Variants in ZBTB20 observed in about 807,000 individuals in gnomAD.
ZBTB20 encodes the protein zinc finger and BTB domain-containing protein 20.
In ZBTB20, 9 loss-of-function variants were observed where a neutral mutation model predicts 56.9. That is an observed-to-expected ratio of 0.16 (90% CI 0.10 to 0.28). The LOEUF (loss-of-function observed/expected upper bound fraction) is 0.28, where lower values mean the gene tolerates loss of function less well. Among genes scored for constraint, ZBTB20 ranks in the 10% least tolerant of loss-of-function variants. The pLI is 1.00. For synonymous variants in ZBTB20, 417 were observed against 420.7 expected, an observed-to-expected ratio of 0.99 and a Z score of 0.11; for missense variants, 655 against 1,003.0, an observed-to-expected ratio of 0.65 and a Z score of 4.69.
At chr3:114,632,228 C>T (rs1315281208) in intron 6 of ZBTB20, among the ~76,000 whole-genome samples, 1 of 152,222 alleles carries the variant, frequency 6.6e-6, no homozygotes, top group Non-Finnish European at 1.5e-5. Context: ...CTCACAATCA[C>T]ACTGTAGGCA....
intron 7 of ZBTB20, among the ~76,000 whole-genome samples, chr3:114,391,192 A>G (rs1237377982): frequency 1.3e-5 from 2 of 152,126 alleles, no homozygotes; most frequent in African/African-American, 2.4e-5. Context: ...TCACACAAAC[A>G]TTACATTAAT....
chr3:114,934,170 T>C (rs1052180841), intron 3 of ZBTB20, among the ~76,000 whole-genome samples: 35 of 152,228 alleles, frequency 2.3e-4, no homozygotes, highest in Admixed American at 1.5e-3. Context: ...CCTACACCTA[T>C]GGATCTTTGC....
chr3:114,862,641 C>T (rs765463625), intron 4 of ZBTB20, among the ~76,000 whole-genome samples: 3 of 152,050 alleles, frequency 2.0e-5, no homozygotes, highest in Non-Finnish European at 2.9e-5. Context: ...GTCTTATTCA[C>T]TATTGTATGC....
chr3:114,833,696 ATTTTTT>A (rs60104867), intron 4 of ZBTB20, among the ~76,000 whole-genome samples: 3 of 125,236 alleles, frequency 2.4e-5, no homozygotes, highest in Non-Finnish European at 5.2e-5. Context: ...CACCTAGCTA[ATTTTTT>A]TTTTTTTTTT....
At chr3:114,575,178 C>A (rs1455282446) in intron 6 of ZBTB20, among the ~76,000 whole-genome samples, 9 of 152,120 alleles carry the variant, frequency 5.9e-5, no homozygotes, top group Non-Finnish European at 1.3e-4. Flanking sequence ...TAATAAAAGT[C>A]ATTTTTACAA....
At chr3:114,449,854 C>T (rs938130329) in intron 7 of ZBTB20, among the ~76,000 whole-genome samples, 3 of 152,142 alleles carry the variant, frequency 2.0e-5, no homozygotes, top group African/African-American at 7.2e-5. Flanking sequence ...GGCAAATTCT[C>T]GTATCCCCAA....
intron 10 of ZBTB20, chr3:114,378,974 G>A (rs986300088): frequency 2.0e-5 from 3 of 152,110 alleles, no homozygotes; most frequent in African/African-American, 7.2e-5. Context: ...TTCTAGTGAC[G>A]GCTAGAATAT....
intron 5 of ZBTB20, among the ~76,000 whole-genome samples, chr3:114,779,804 GTCTCTAGT>G (rs1324327471): frequency 1.3e-5 from 2 of 152,114 alleles, no homozygotes; most frequent in Non-Finnish European, 2.9e-5. Context: ...ACAAGGACTT[GTCTCTAGT>G]TTCTTAGTCA....
In ZBTB20 at chr3:115,007,362, GA is replaced by G. The variant is rs200794595; in HGVS notation, c.-506-32947del. Among the ~76,000 whole-genome samples, 900 of 151,692 alleles carry G rather than the reference GA, an allele frequency of 5.9e-3. 12 individuals carry two copies. Among genetic ancestry groups the G allele is most frequent in the African/African-American group, 0.021 (871 of 41,466 alleles). On this transcript the variant is annotated intron_variant, in intron 2 of 11. Transcript: ENST00000675478. ...TTCTGAAATAAAAAAAAGAGAAAGAGAAAAAACAGAAATTAGAGAATATTTT... is the reference window on the plus strand; with the variant it reads ...TTCTGAAATAAAAAAAAGAGAAAGAGAAAAACAGAAATTAGAGAATATTTT...
At chr3:114,545,412 T>G (rs2049759623) in intron 6 of ZBTB20, among the ~76,000 whole-genome samples, 2 of 152,208 alleles carry the variant, frequency 1.3e-5, no homozygotes, top group African/African-American at 4.8e-5. Context: ...TTAAAAGGCA[T>G]CAGGGTGCGA....
chr3:114,517,646 G>A (rs2046162539), intron 6 of ZBTB20, among the ~76,000 whole-genome samples: 2 of 150,810 alleles, frequency 1.3e-5, no homozygotes, highest in Non-Finnish European at 2.9e-5. Flanking sequence ...ACACGATCTC[G>A]GCTCACTGCA....
chr3:114,970,071 A>T (rs1002141631), intron 3 of ZBTB20, among the ~76,000 whole-genome samples: 2 of 152,230 alleles, frequency 1.3e-5, no homozygotes, highest in Non-Finnish European at 2.9e-5. Flanking sequence ...GCCAGCCCAC[A>T]CATACTGGGC....
At chr3:114,816,120 T>C (rs1403130677) in intron 4 of ZBTB20, among the ~76,000 whole-genome samples, 1 of 152,224 alleles carries the variant, frequency 6.6e-6, no homozygotes, top group East Asian at 1.9e-4. Context: ...TTATCTCCAA[T>C]TTATAAAATG....
At chr3:114,837,924 C>G (rs2074198987) in intron 4 of ZBTB20, among the ~76,000 whole-genome samples, 1 of 152,102 alleles carries the variant, frequency 6.6e-6, no homozygotes, top group African/African-American at 2.4e-5. Context: ...AAAAATGACT[C>G]TCTCATGAAT....
rs578028983 is a variant in ZBTB20, at chr3:114,924,980, C to CTT, written c.-455-24640_-455-24639dup. On this transcript the variant is annotated intron_variant, in intron 3 of 11. Coordinates refer to ENST00000675478, the MANE Select transcript of ZBTB20 (RefSeq NM_001348800.3). ...GTTTTAAAATTCCCATTTGGTTCTT[C>CTT]TTTTTTTTTTTTTTTTTTTTTTTAG... Among the ~76,000 whole-genome samples, 175 of 99,870 alleles carry CTT rather than the reference C, an allele frequency of 1.8e-3. 2 individuals are homozygous for CTT. The highest frequency in any genetic ancestry group is 4.1e-3 in the South Asian group (12 of 2,916). The allele number at this position is 99,870 out of a possible 152,430, so 65.5% of individuals were successfully genotyped here. A position where few individuals can be genotyped will look rare whatever the true frequency, so the allele number is the denominator to read the frequency against.
chr3:115,046,712 C>G (rs1424072262), intron 2 of ZBTB20, among the ~76,000 whole-genome samples: 1 of 152,084 alleles, frequency 6.6e-6, no homozygotes, highest in East Asian at 1.9e-4. Context: ...CTTTAAAAAA[C>G]AACATTTCCA....
intron 6 of ZBTB20, among the ~76,000 whole-genome samples, chr3:114,530,077 C>T (rs867396891): frequency 1.3e-4 from 20 of 152,328 alleles, no homozygotes; most frequent in African/African-American, 4.8e-4. Context: ...CATAACATCA[C>T]AGCACAATTA....
intron 7 of ZBTB20, among the ~76,000 whole-genome samples, chr3:114,441,713 G>A (rs901705279): frequency 2.0e-5 from 3 of 151,962 alleles, no homozygotes; most frequent in African/African-American, 7.3e-5. Flanking sequence ...TTATATTCTA[G>A]GCAACACACC....
chr3:114,456,482 A>T (rs981879825), intron 7 of ZBTB20, among the ~76,000 whole-genome samples: 1 of 152,164 alleles, frequency 6.6e-6, no homozygotes, highest in Non-Finnish European at 1.5e-5. Flanking sequence ...TTTCTAAAAT[A>T]TAGGCACATT....
Sources: gnomAD v4.1 joint callset for allele counts (sites outside exome capture counted in the v4.1 genomes callset) on GRCh38, gnomAD v4.1.1 for gene constraint, MANE v1.5 for transcripts, NCBI Gene and HGNC (gene_info 2026-07-23, HGNC 2026-07-21) for gene names.